The following PALLD variants were observed in gnomAD, a reference collection of about 807,000 sequenced individuals.
PALLD encodes palladin, cytoskeletal associated protein.
In PALLD, 61 loss-of-function variants were observed where a neutral mutation model predicts 123.5. The observed-to-expected ratio is 0.49, with a 90% CI of 0.40 to 0.61. The LOEUF (loss-of-function observed/expected upper bound fraction) is 0.61. PALLD is among the 20% of genes least tolerant of loss of function. PALLD has a pLI of 0.00. For synonymous variants in PALLD, 465 were observed against 496.4 expected (o/e 0.94, Z 0.84); for missense variants, 1,273 against 1,377.0 (o/e 0.92, Z 1.20).
chr4:168,904,083 A>G, intron 15 of PALLD, 177 bp downstream of exon 15: 1 of 637,248 alleles, frequency 1.6e-6, no homozygotes, highest in Non-Finnish European at 2.8e-6. Flanking sequence ...TGTTTCATGA[A>G]TACTTATTTA....
At chr4:168,729,033 G>A (rs1786884338) in intron 10 of PALLD, among the ~76,000 whole-genome samples, 2 of 152,012 alleles carry the variant, frequency 1.3e-5, no homozygotes, top group Non-Finnish European at 2.9e-5. Context: ...AAATAAATTA[G>A]GTCCAACTAA....
intron 1 of PALLD, among the ~76,000 whole-genome samples, chr4:168,502,426 T>C (rs566710825): frequency 1.3e-5 from 2 of 152,246 alleles, no homozygotes; most frequent in Non-Finnish European, 2.9e-5. Context: ...GACCTATGAC[T>C]GATTTTGCTT....
chr4:168,737,741 G>A (rs190938707), intron 10 of PALLD, among the ~76,000 whole-genome samples: 2 of 152,304 alleles, frequency 1.3e-5, no homozygotes, highest in East Asian at 3.9e-4. Context: ...CCGTCTGTTA[G>A]TGACGAACAG....
chr4:168,728,246 G>T (rs1786791833), intron 10 of PALLD, among the ~76,000 whole-genome samples: 2 of 152,190 alleles, frequency 1.3e-5, no homozygotes, highest in African/African-American at 4.8e-5. Context: ...TGTGAAGAAT[G>T]ACATTGGTAC....
intron 2 of PALLD, chr4:168,631,931 T>G (rs903297166): frequency 2.2e-4 from 218 of 983,982 alleles, no homozygotes; most frequent in Non-Finnish European, 2.5e-4. Flanking sequence ...TATGCAGACA[T>G]GGAGGAAATA....
intron 2 of PALLD, among the ~76,000 whole-genome samples, chr4:168,536,971 G>A (rs1197077528): frequency 2.0e-5 from 3 of 152,032 alleles, no homozygotes; most frequent in Admixed American, 6.6e-5. Flanking sequence ...GGGACTATAG[G>A]CGCCTGCCAC....
chr4:168,690,041 C>T (rs949603619), intron 6 of PALLD, among the ~76,000 whole-genome samples: 7 of 152,164 alleles, frequency 4.6e-5, no homozygotes, highest in African/African-American at 1.7e-4. Flanking sequence ...AGAAGTACAG[C>T]ATGTTTCATT....
intron 10 of PALLD, among the ~76,000 whole-genome samples, chr4:168,738,026 A>G (rs1787933588): frequency 6.6e-6 from 1 of 152,222 alleles, no homozygotes; most frequent in South Asian, 2.1e-4. Context: ...CATGGAAGGA[A>G]TCTGACCATT....
At chr4:168,526,040 T>C (rs1162939893) in intron 2 of PALLD, among the ~76,000 whole-genome samples, 4 of 152,196 alleles carry the variant, frequency 2.6e-5, no homozygotes, top group Admixed American at 6.5e-5. Flanking sequence ...CAGTGCACTA[T>C]GTAAAATGGC....
chr4:168,914,103 A>C (rs1489682518), intron 16 of PALLD, 82 bp downstream of exon 16: 8 of 871,974 alleles, frequency 9.2e-6, no homozygotes, highest in Non-Finnish European at 7.7e-6. Context: ...TCATCATATG[A>C]CCACAAAAGT....
rs545878672 is a variant in PALLD, at chr4:168,573,074, C to T, written c.908+60662C>T. ...ATCTACCACTCTTCTCCCCAACTCA[C>T]GCCTACAGCTGTGTTCTGAGTAAGC... On this transcript the variant is annotated intron_variant, in intron 2 of 21. Transcript: ENST00000505667. Among the ~76,000 whole-genome samples, 26 of 151,880 alleles carry T rather than the reference C, an allele frequency of 1.7e-4. 1 individual carries two copies. The South Asian group carries it at 4.6e-3, about 27-fold the overall frequency.
intron 10 of PALLD, among the ~76,000 whole-genome samples, chr4:168,751,008 G>A (rs1276065056): frequency 6.8e-6 from 1 of 147,662 alleles, no homozygotes; most frequent in Non-Finnish European, 1.5e-5. Context: ...GTGTGTGTCT[G>A]CGTGTGTATT....
chr4:168,871,912 CA>C (rs992445551), intron 10 of PALLD, among the ~76,000 whole-genome samples: 3 of 152,212 alleles, frequency 2.0e-5, no homozygotes, highest in Non-Finnish European at 4.4e-5. Context: ...GCAGCCCTCT[CA>C]GAGCCAAAGT....
At chr4:168,878,469 C>A in intron 10 of PALLD, 2 of 1,137,964 alleles carry the variant, frequency 1.8e-6, no homozygotes, top group Non-Finnish European at 2.4e-6. Flanking sequence ...CATCTCCATA[C>A]ACGCGCTCCC....
intron 12 of PALLD, 30 bp from the exon 13 acceptor site, chr4:168,896,519 G>A (rs1366170855): frequency 1.6e-6 from 2 of 1,289,900 alleles, no homozygotes; most frequent in Non-Finnish European, 2.2e-6. Flanking sequence ...TCTATTATTA[G>A]TCTTCACATC....
At chr4:168,729,285 C>A (rs757588076) in intron 10 of PALLD, among the ~76,000 whole-genome samples, 1 of 152,056 alleles carries the variant, frequency 6.6e-6, no homozygotes, top group Non-Finnish European at 1.5e-5. Flanking sequence ...CCAACCTCAG[C>A]CTCCTGAGTA....
At chr4:168,639,896 G>C (rs1409370980) in intron 2 of PALLD, among the ~76,000 whole-genome samples, 1 of 152,126 alleles carries the variant, frequency 6.6e-6, no homozygotes, top group Admixed American at 6.5e-5. Flanking sequence ...CCCTTAGCTT[G>C]CCTGTCTTTT....
At chr4:168,755,623 G>A (rs1330465634) in intron 10 of PALLD, among the ~76,000 whole-genome samples, 1 of 152,168 alleles carries the variant, frequency 6.6e-6, no homozygotes, top group Non-Finnish European at 1.5e-5. Flanking sequence ...AAGCAAGGAA[G>A]TTATGTGATC....
At chr4:168,686,171 C>G (rs2150104837) in intron 6 of PALLD, among the ~76,000 whole-genome samples, 1 of 152,204 alleles carries the variant, frequency 6.6e-6, no homozygotes, top group East Asian at 1.9e-4. Context: ...TGTAATCTGG[C>G]TAAAATTCTA....
Sources: allele counts gnomAD v4.1 joint callset (sites outside exome capture counted in the v4.1 genomes callset), GRCh38; gene constraint gnomAD v4.1.1; transcripts MANE v1.5; gene names NCBI Gene and HGNC (gene_info 2026-07-23, HGNC 2026-07-21).